APBA2: variants seen among roughly 807,000 people sequenced by gnomAD.
APBA2 encodes the protein amyloid beta precursor protein binding family A member 2.
In APBA2, 30 loss-of-function variants were observed where a neutral mutation model predicts 75.0. The ratio of observed to expected loss-of-function variants is 0.40; its 90% CI spans 0.30 to 0.54. The LOEUF is 0.54. Among genes scored for constraint, APBA2 ranks in the 20% least tolerant of loss-of-function variants. The pLI is 0.49. For missense variants in APBA2, 801 were observed against 1,016.1 expected (o/e 0.79, Z 2.88); for synonymous variants, 444 against 409.6 (o/e 1.08, Z -1.01).
At chr15:28,903,503 A>G (rs1489248056) in intron 1 of APBA2, among the ~76,000 whole-genome samples, 2 of 152,204 alleles carry the variant, frequency 1.3e-5, no homozygotes, top group Non-Finnish European at 2.9e-5. Flanking sequence ...TTTCAGCTTC[A>G]AGTTACATAA....
intron 2 of APBA2, among the ~76,000 whole-genome samples, chr15:28,952,945 G>A (rs1395666573): frequency 6.6e-6 from 1 of 152,168 alleles, no homozygotes. Context: ...TACCTTCAGA[G>A]CCCTAGTCCA....
At chr15:28,909,397 G>A (rs757120789) in intron 1 of APBA2, among the ~76,000 whole-genome samples, 2 of 152,162 alleles carry the variant, frequency 1.3e-5, no homozygotes, top group Non-Finnish European at 2.9e-5. Context: ...TTCACTTCGC[G>A]TGACGCCCTC....
intron 1 of APBA2, among the ~76,000 whole-genome samples, chr15:28,904,968 G>A (rs1248865063): frequency 6.6e-6 from 1 of 152,206 alleles, no homozygotes; most frequent in Admixed American, 6.5e-5. Context: ...CTGATGGGTT[G>A]GGGACCAGAG....
At chr15:29,094,232 TTCTC>T (rs1331877213) in intron 7 of APBA2, 42 bp from the exon 8 acceptor site, 1 of 1,607,742 alleles carries the variant, frequency 6.2e-7, no homozygotes, top group Admixed American at 1.7e-5. Context: ...CGCACCTTCC[TTCTC>T]TCTGTGCCAA....
At chr15:28,971,539 G>A (rs2037069634) in intron 2 of APBA2, among the ~76,000 whole-genome samples, 2 of 152,194 alleles carry the variant, frequency 1.3e-5, no homozygotes, top group Admixed American at 1.3e-4. Context: ...ATAAAAGAGA[G>A]GGTCTTGGAA....
chr15:28,923,008 G>T (rs556002888), intron 2 of APBA2, among the ~76,000 whole-genome samples: 1 of 152,208 alleles, frequency 6.6e-6, no homozygotes, highest in Non-Finnish European at 1.5e-5. Flanking sequence ...TGTGCAGGAC[G>T]CTGGGGAAAC....
intron 12 of APBA2, among the ~76,000 whole-genome samples, chr15:29,107,196 G>GTT (rs2044464043): frequency 1.3e-5 from 2 of 152,290 alleles, no homozygotes; most frequent in East Asian, 3.9e-4. Flanking sequence ...CCCCCTCAGT[G>GTT]CTGGTGGGCT....
In APBA2 at chr15:28,987,091, A is replaced by G. The variant is rs562261099; in HGVS notation, c.-94-8662A>G. Among the ~76,000 whole-genome samples, 28 of 126,946 alleles carry G rather than the reference A, an allele frequency of 2.2e-4. No individual in the cohort carries two copies. In the East Asian group the frequency reaches 7.8e-3, roughly 35 times the overall value. 83.3% of individuals were successfully genotyped at this position (126,946 alleles called of 152,430 possible). A position where few individuals can be genotyped will look rare whatever the true frequency, so the allele number is the denominator to read the frequency against. ...ACTGTCTAATAGCATCACTTTGGGC[A>G]TTAGGTTTTAACATGTGAATTTGGA... On this transcript the variant is annotated intron_variant, in intron 2 of 14. Transcript: ENST00000683413.
chr15:28,998,200 C>CA (rs759986034), intron 3 of APBA2, among the ~76,000 whole-genome samples: 1 of 132,312 alleles, frequency 7.6e-6, no homozygotes, highest in Non-Finnish European at 1.6e-5. Context: ...TCTTCTTTTT[C>CA]TTTTTTTTTT....
At chr15:28,927,585 TA>T (rs1455768504) in intron 2 of APBA2, among the ~76,000 whole-genome samples, 1 of 151,702 alleles carries the variant, frequency 6.6e-6, no homozygotes, top group African/African-American at 2.4e-5. Context: ...CCATTATTAT[TA>T]TTTTTTTATT....
intron 3 of APBA2, 30 bp from the exon 4 acceptor site, chr15:29,053,815 C>T (rs1354778216): frequency 1.2e-5 from 17 of 1,430,558 alleles, no homozygotes; most frequent in Non-Finnish European, 1.6e-5. Context: ...GGGGTTTTGA[C>T]TCTGTCCTTC....
At chr15:29,052,870 C>T (rs768760187) in intron 3 of APBA2, among the ~76,000 whole-genome samples, 11 of 152,122 alleles carry the variant, frequency 7.2e-5, no homozygotes, top group Non-Finnish European at 1.6e-4. Flanking sequence ...GAGAGCCAAA[C>T]TCACTTTTAT....
intron 2 of APBA2, among the ~76,000 whole-genome samples, chr15:28,954,176 C>T (rs2036041712): frequency 1.3e-5 from 2 of 152,180 alleles, no homozygotes; most frequent in Non-Finnish European, 2.9e-5. Flanking sequence ...CGCTGCCGTG[C>T]GATGAGAGCC....
At chr15:29,089,014 C>G (rs561524234) in intron 6 of APBA2, among the ~76,000 whole-genome samples, 1 of 152,338 alleles carries the variant, frequency 6.6e-6, no homozygotes, top group Admixed American at 6.5e-5. Context: ...TCAGCTTAAA[C>G]AGCAGCCACC....
Position 29,117,737 on chromosome 15 carries a change from C to A in APBA2, c.*604C>A, listed in dbSNP as rs2045290677. 6.5e-6 allele frequency: 1 copy of A among 154,246 alleles called. No homozygotes were observed. The highest frequency in any genetic ancestry group is 2.0e-4 in the South Asian group (1 of 4,930). 9.6% of individuals were successfully genotyped at this position (154,246 alleles called of 1,614,324 possible). A position where few individuals can be genotyped will look rare whatever the true frequency, so the allele number is the denominator to read the frequency against. On this transcript the variant is annotated 3_prime_UTR_variant, in exon 15 of 15. Coordinates refer to ENST00000683413, the MANE Select transcript of APBA2 (RefSeq NM_001353788.2). ...TGAAAACTCCATATTTATTTAGATG[C>A]TATTATTACTGTTTGGACTTTTATT...
intron 1 of APBA2, chr15:28,893,967 C>A (rs148381533): frequency 6.6e-6 from 1 of 152,354 alleles, no homozygotes; most frequent in East Asian, 1.9e-4. Context: ...GCCTTGACTT[C>A]GTCTGGGGAG....
intron 10 of APBA2, among the ~76,000 whole-genome samples, chr15:29,102,947 A>G (rs2044202628): frequency 1.5e-5 from 1 of 67,442 alleles, no homozygotes; most frequent in Admixed American, 1.8e-4. Context: ...CTTCTTCCTA[A>G]GAACTTGGGT....
chr15:29,101,142 C>T (rs1322178017), intron 9 of APBA2, among the ~76,000 whole-genome samples: 1 of 151,962 alleles, frequency 6.6e-6, no homozygotes, highest in East Asian at 1.9e-4. Context: ...CACATGACAG[C>T]CCTCCACAAT....
intron 10 of APBA2, chr15:29,102,237 C>CAA (rs1465739555): frequency 1.2e-5 from 3 of 248,900 alleles, no homozygotes; most frequent in Non-Finnish European, 2.4e-5. Context: ...TATAAGATAC[C>CAA]AAAGACTCAG....
Sources: allele counts gnomAD v4.1 joint callset (sites outside exome capture counted in the v4.1 genomes callset), GRCh38; gene constraint gnomAD v4.1.1; transcripts MANE v1.5; gene names NCBI Gene and HGNC (gene_info 2026-07-23, HGNC 2026-07-21).